ACSM2B: variants seen among roughly 807,000 people sequenced by gnomAD.
ACSM2B encodes the protein acyl-coenzyme A synthetase ACSM2B, mitochondrial.
ACSM2B carries 58 observed loss-of-function variants against 78.6 expected under a neutral mutation model. The observed-to-expected ratio is 0.74, with a 90% confidence interval of 0.60 to 0.92. The LOEUF (loss-of-function observed/expected upper bound fraction) is 0.92, where lower values mean the gene tolerates loss of function less well. Ranked by LOEUF, ACSM2B falls within the 40% of genes least tolerant of loss-of-function variation. The pLI is 0.00. For synonymous variants in ACSM2B, 257 were observed against 256.8 expected (o/e 1.00, Z -0.01); for missense variants, 688 against 711.2 (o/e 0.97, Z 0.37).
intron 1 of ACSM2B, among the ~76,000 whole-genome samples, chr16:20,569,087 C>T (rs1184342587): frequency 2.0e-5 from 3 of 151,656 alleles, no homozygotes; most frequent in Non-Finnish European, 4.4e-5. Flanking sequence ...ATCTATTTAT[C>T]TTCATTTTTG....
chr16:20,567,208 A>G (rs1232179275), intron 1 of ACSM2B, among the ~76,000 whole-genome samples: 3 of 131,934 alleles, frequency 2.3e-5, no homozygotes, highest in African/African-American at 5.7e-5. Context: ...ATTATATTAT[A>G]TATTATACTA....
At chr16:20,546,649 G>A in intron 8 of ACSM2B, 175 bp from the exon 9 acceptor site, 1 of 1,208,324 alleles carries the variant, frequency 8.3e-7, no homozygotes, top group South Asian at 2.5e-5. Flanking sequence ...CACAATCCTA[G>A]GGGCCTCACT....
At chr16:20,557,672 C>A (rs890175023) in intron 3 of ACSM2B, among the ~76,000 whole-genome samples, 1 of 152,236 alleles carries the variant, frequency 6.6e-6, no homozygotes, top group Admixed American at 6.5e-5. Flanking sequence ...CCATGGACCA[C>A]AAGGCACTGC....
intron 2 of ACSM2B, among the ~76,000 whole-genome samples, chr16:20,563,484 T>G (rs1302941621): frequency 6.6e-6 from 1 of 152,174 alleles, no homozygotes; most frequent in East Asian, 1.9e-4. Flanking sequence ...TTTTTTGATG[T>G]TTATATAGCA....
intron 12 of ACSM2B, 112 bp downstream of exon 12, chr16:20,542,802 C>T: frequency 1.4e-6 from 2 of 1,386,336 alleles, no homozygotes; most frequent in Non-Finnish European, 2.0e-6. Flanking sequence ...AGTGGCAGGG[C>T]CAAGATTGGG....
intron 2 of ACSM2B, among the ~76,000 whole-genome samples, chr16:20,562,365 G>A (rs12927191): frequency 1.3e-5 from 2 of 152,014 alleles, no homozygotes; most frequent in Non-Finnish European, 2.9e-5. Context: ...CAAAATCAAA[G>A]ACAAAACATG....
chr16:20,548,775 C>T (rs2015219413), intron 6 of ACSM2B, among the ~76,000 whole-genome samples: 1 of 152,056 alleles, frequency 6.6e-6, no homozygotes, highest in Non-Finnish European at 1.5e-5. Context: ...ATTAACACAC[C>T]CCTAGGAGTA....
At chr16:20,542,854 C>G in intron 12 of ACSM2B, 60 bp downstream of exon 12, 2 of 1,602,690 alleles carry the variant, frequency 1.2e-6, no homozygotes. Context: ...CTTAAACCAT[C>G]ATACTACACT....
rs374397103 is a variant in ACSM2B at position 20,544,901 on chromosome 16, CAG to C, written c.1281+254_1281+255del. On this transcript the variant is annotated intron_variant, in intron 10 of 13. Coordinates refer to ENST00000329697, the MANE Select transcript of ACSM2B (RefSeq NM_001105069.2). Reference sequence around the variant, plus strand: ...GGTCAATAATATTTTGGGCATGAAACAGAGAGTTCTTGAGGAGTCTAAGGGCT... The same window carrying C: ...GGTCAATAATATTTTGGGCATGAAACAGAGTTCTTGAGGAGTCTAAGGGCT... 182 of 1,145,970 alleles carry C rather than the reference CAG, an allele frequency of 1.6e-4. 2 individuals carry two copies. The East Asian group carries it at 3.2e-3, about 20-fold the overall frequency. The allele number at this position is 1,145,970 out of a possible 1,614,324, so 71.0% of individuals were successfully genotyped here.
chr16:20,570,208 G>A (rs2016055543), intron 1 of ACSM2B, among the ~76,000 whole-genome samples: 1 of 151,810 alleles, frequency 6.6e-6, no homozygotes, highest in South Asian at 2.1e-4. Context: ...GTCATAGATG[G>A]CTTTTATTAC....
chr16:20,566,793 T>C (rs1325657432), intron 1 of ACSM2B, among the ~76,000 whole-genome samples: 1 of 99,822 alleles, frequency 1.0e-5, no homozygotes, highest in East Asian at 2.6e-4. Context: ...TATTTTGAAA[T>C]ATATAATATA....
intron 10 of ACSM2B, chr16:20,544,807 A>G: frequency 1.0e-6 from 1 of 1,002,010 alleles, no homozygotes; most frequent in Non-Finnish European, 1.2e-6. Context: ...AACGGCATAG[A>G]TCATGGGGAT....
At chr16:20,537,651 C>A (rs2014881693) in intron 13 of ACSM2B, among the ~76,000 whole-genome samples, 1 of 152,208 alleles carries the variant, frequency 6.6e-6, no homozygotes, top group African/African-American at 2.4e-5. Flanking sequence ...ACTCTCTGGA[C>A]CCCAGCTCCT....
chr16:20,557,376 C>A (rs796620810), intron 3 of ACSM2B, among the ~76,000 whole-genome samples: 8 of 151,872 alleles, frequency 5.3e-5, no homozygotes, highest in African/African-American at 1.9e-4. Context: ...CTCTCCCTCG[C>A]ATCTTCTTTG....
intron 3 of ACSM2B, among the ~76,000 whole-genome samples, chr16:20,557,534 C>T (rs1438386867): frequency 6.6e-6 from 1 of 152,214 alleles, no homozygotes; most frequent in Non-Finnish European, 1.5e-5. Flanking sequence ...ATCCCATTCC[C>T]TATTGAGCAT....
chr16:20,573,228 A>T (rs1464169009), intron 1 of ACSM2B, among the ~76,000 whole-genome samples: 1 of 151,778 alleles, frequency 6.6e-6, no homozygotes, highest in African/African-American at 2.4e-5. Context: ...GCTCAAGGCT[A>T]CTGTTCAGAT....
At chr16:20,544,363 G>A (rs2015077800) in intron 10 of ACSM2B, among the ~76,000 whole-genome samples, 1 of 152,184 alleles carries the variant, frequency 6.6e-6, no homozygotes, top group Admixed American at 6.5e-5. Flanking sequence ...ATACATAGTA[G>A]AGCAGGGTTT....
intron 6 of ACSM2B, among the ~76,000 whole-genome samples, chr16:20,550,164 G>T (rs183944514): frequency 6.6e-6 from 1 of 152,168 alleles, no homozygotes; most frequent in African/African-American, 2.4e-5. Context: ...GGGAGGATGG[G>T]GCCTTAGGAT....
chr16:20,557,758 A>G (rs2015519966), intron 3 of ACSM2B, among the ~76,000 whole-genome samples: 1 of 152,202 alleles, frequency 6.6e-6, no homozygotes, highest in Non-Finnish European at 1.5e-5. Context: ...CTTCAGGCAC[A>G]CAGATATCCT....
Sources: allele counts gnomAD v4.1 joint callset (sites outside exome capture counted in the v4.1 genomes callset), GRCh38; gene constraint gnomAD v4.1.1; transcripts MANE v1.5; gene names NCBI Gene and HGNC (gene_info 2026-07-23, HGNC 2026-07-21).